PPM1F: variants seen among roughly 807,000 people sequenced by gnomAD.
The protein encoded by PPM1F is protein phosphatase 1F.
PPM1F carries 17 observed loss-of-function variants against 35.5 expected under a neutral mutation model. That is an observed-to-expected ratio of 0.48 (90% CI 0.33 to 0.72). The LOEUF is 0.72. Ranked by LOEUF, PPM1F falls within the 30% of genes least tolerant of loss-of-function variation. The pLI is 0.02. For synonymous variants in PPM1F, 241 were observed against 255.5 expected (o/e 0.94, Z 0.54); for missense variants, 521 against 613.0 (o/e 0.85, Z 1.59).
At chr22:21,950,422 C>T (rs1415133460) in intron 1 of PPM1F, 1 of 150,636 alleles carries the variant, frequency 6.6e-6, no homozygotes, top group African/African-American at 2.4e-5. Context: ...ATTTATTTTC[C>T]TCTAGTGCAT....
intron 1 of PPM1F, 36 bp from the exon 2 acceptor site, chr22:21,946,144 GCCATGGCACCAGCAATGCAGGTGC>G (rs896305761): frequency 6.0e-5 from 65 of 1,083,964 alleles, no homozygotes; most frequent in Non-Finnish European, 7.5e-5. Flanking sequence ...GAATCAGGGG[GCCATGGCACCAGCAATGCAGGTGC>G]CCACCTGCAA....
In PPM1F at chr22:21,925,907, G is replaced by A. The variant is rs908448395; in HGVS notation, c.892-245C>T. 1.6e-5 allele frequency: 7 copies of A among 425,764 alleles called. No individual in the cohort carries two copies. In the Admixed American group the frequency reaches 2.0e-4, roughly 12 times the overall value. The allele number at this position is 425,764 out of a possible 1,614,324, so 26.4% of individuals were successfully genotyped here. On this transcript the variant is annotated intron_variant, in intron 6 of 7. Transcript: ENST00000263212. ...TGAAATGAACGGACCACCTGAGGCC[G>A]CCTAGCGGTGCCTGCGCCCCTGGGC...
Position 21,938,296 on chromosome 22 carries a change from G to A in PPM1F, c.355+1236C>T, listed in dbSNP as rs961178958. ...GCGGCGCCCCCTTGGTGGGGCCGCA[G>A]AGCGGAGGAGCAGCAGCTGCCACCG... On this transcript the variant is annotated intron_variant, in intron 3 of 7. Coordinates refer to ENST00000263212, the MANE Select transcript of PPM1F (RefSeq NM_014634.4). The A allele has an allele frequency of 1.4e-5, 17 of 1,249,110 alleles. No individual in the cohort carries two copies. In the African/African-American group the frequency reaches 2.4e-4, roughly 17 times the overall value. 77.4% of individuals were successfully genotyped at this position (1,249,110 alleles called of 1,614,324 possible).
intron 4 of PPM1F, 22 bp downstream of exon 4, chr22:21,934,002 G>A: frequency 1.3e-6 from 2 of 1,527,842 alleles, no homozygotes; most frequent in Non-Finnish European, 1.8e-6. Flanking sequence ...GCTGTCCCCA[G>A]GGTCTGGACG....
At position 21,923,172 on chromosome 22, in the gene PPM1F, C is replaced by T. The variant is rs770532927; in HGVS notation, c.1285G>A (p.Asp429Asn). ...LLEGGNQGEGDPQAEGRRQDL... is the reference protein window; with the variant it reads ...LLEGGNQGEGNPQAEGRRQDL... ...TGCCTCCTCCCTTCTGCCTGGGGGT[C>T]CCCTTCTCCCTGGTTCCCGCCCTCC... Residue 429 changes from aspartate (D) to asparagine (N), a missense_variant, in exon 8 of 8, where the codon GAC (aspartate) becomes AAC (asparagine). By Grantham distance (23) the Asp-to-Asn change is conservative (BLOSUM62 1). This residue lies in a region of PPM1F where 163 missense variants were observed against 169.6 expected (regional missense o/e 0.96). Transcript: ENST00000263212. 2.5e-6 allele frequency: 4 copies of T among 1,613,682 alleles called. No homozygotes were observed. The East Asian group carries it at 8.9e-5, about 36-fold the overall frequency.
At chr22:21,940,108 G>C (rs983759155) in intron 2 of PPM1F, among the ~76,000 whole-genome samples, 5 of 152,194 alleles carry the variant, frequency 3.3e-5, no homozygotes, top group African/African-American at 1.2e-4. Flanking sequence ...GGTCATTACA[G>C]ATGGAATTAG....
intron 2 of PPM1F, chr22:21,942,094 G>A (rs569830839): frequency 6.6e-6 from 1 of 152,462 alleles, no homozygotes; most frequent in South Asian, 2.1e-4. Flanking sequence ...GAGAGTGGGG[G>A]TCAGGGGAGC....
chr22:21,929,042 C>T (rs894216562), intron 6 of PPM1F, among the ~76,000 whole-genome samples: 4 of 152,226 alleles, frequency 2.6e-5, no homozygotes, highest in Admixed American at 2.0e-4. Flanking sequence ...GCACCACGCA[C>T]TCCCCCCACG....
At position 21,932,093 on chromosome 22, in the gene PPM1F, C is replaced by G. The variant is rs551314589; in HGVS notation, c.748-802G>C. 9.9e-5 allele frequency among the ~76,000 whole-genome samples: 15 copies of G among 152,264 alleles called. No individual in the cohort carries two copies. In the East Asian group the frequency reaches 2.7e-3, roughly 27 times the overall value. ...TCAGCCTCCCAAAGTGCTGGGATTA[C>G]AGGCATGAGCCACCGCGCCTGGCCA... is the stretch of plus-strand genomic sequence containing the variant. On this transcript the variant is annotated intron_variant, in intron 5 of 7. Transcript: ENST00000263212.
At chr22:21,925,795 G>A in intron 6 of PPM1F, 133 bp from the exon 7 acceptor site, 1 of 644,626 alleles carries the variant, frequency 1.6e-6, no homozygotes, top group South Asian at 2.4e-5. Flanking sequence ...AACAAAGCCA[G>A]GAGGCTCAGA....
rs556703860 is a variant in PPM1F, at chr22:21,936,522, G to A, written c.356-2296C>T. 7.2e-5 allele frequency: 11 copies of A among 152,400 alleles called. No individual in the cohort carries two copies. The East Asian group carries it at 1.5e-3, about 21-fold the overall frequency. The allele number at this position is 152,400 out of a possible 1,614,324, so 9.4% of individuals were successfully genotyped here. A position where few individuals can be genotyped will look rare whatever the true frequency, so the allele number is the denominator to read the frequency against. On this transcript the variant is annotated intron_variant, in intron 3 of 7. Coordinates refer to ENST00000263212, the MANE Select transcript of PPM1F (RefSeq NM_014634.4). The stretch of plus-strand genomic sequence containing the variant: ...GGTGGAGCTCACTTCCCACTGCTGA[G>A]TGTGGGAGCTGGCTGCTTCTGATGA...
At chr22:21,932,362 G>A (rs1034408513) in intron 5 of PPM1F, among the ~76,000 whole-genome samples, 2 of 152,230 alleles carry the variant, frequency 1.3e-5, no homozygotes, top group African/African-American at 4.8e-5. Context: ...GCCAGGAGTG[G>A]AGGCTTGCCT....
intron 1 of PPM1F, chr22:21,950,575 T>C (rs1367005634): frequency 1.3e-5 from 2 of 152,156 alleles, no homozygotes; most frequent in Non-Finnish European, 2.9e-5. Flanking sequence ...AAAAGGGAAC[T>C]GCACCACTAT....
intron 1 of PPM1F, chr22:21,951,341 A>G (rs381849): frequency 0.53 from 75,361 of 142,702 alleles, 20,393 homozygotes; most frequent in African/African-American, 0.66. Context: ...TTCAGGTCAG[A>G]TGGTATCCTT....
chr22:21,938,263 G>A, intron 3 of PPM1F: 1 of 1,286,102 alleles, frequency 7.8e-7, no homozygotes, highest in South Asian at 1.2e-5. Context: ...GGGAGGGCCT[G>A]GGCGGTGGCG....
intron 7 of PPM1F, among the ~76,000 whole-genome samples, chr22:21,924,408 C>T (rs1295479026): frequency 6.6e-6 from 1 of 152,012 alleles, no homozygotes; most frequent in East Asian, 1.9e-4. Context: ...GCTGCGATTA[C>T]AGGCAGGCAC....
chr22:21,926,373 C>G (rs536532940), intron 6 of PPM1F, among the ~76,000 whole-genome samples: 1 of 152,048 alleles, frequency 6.6e-6, no homozygotes, highest in Admixed American at 6.6e-5. Context: ...ACCTCATGAT[C>G]CACCCTCCTC....
chr22:21,926,818 T>G (rs2070521964), intron 6 of PPM1F, among the ~76,000 whole-genome samples: 1 of 152,148 alleles, frequency 6.6e-6, no homozygotes, highest in Admixed American at 6.5e-5. Flanking sequence ...CCCCAGGTGA[T>G]GGTGTCCCCT....
chr22:21,938,369 T>A, intron 3 of PPM1F: 1 of 1,176,694 alleles, frequency 8.5e-7, no homozygotes, highest in South Asian at 1.5e-5. Flanking sequence ...CCTGTCACTG[T>A]GGACAGCTGT....
Sources: allele counts gnomAD v4.1 joint callset (sites outside exome capture counted in the v4.1 genomes callset), GRCh38; gene constraint gnomAD v4.1.1; regional missense constraint gnomAD v4.1.1; transcripts MANE v1.5; gene names NCBI Gene and HGNC (gene_info 2026-07-23, HGNC 2026-07-21).